The following MEI4 variants were observed in gnomAD, a reference collection of about 807,000 sequenced individuals.
The protein encoded by MEI4 is meiotic double-stranded break formation protein 4, also known as meiosis-specific protein MEI4.
MEI4 carries 27 observed loss-of-function variants against 31.4 expected under a neutral mutation model. The observed-to-expected ratio is 0.86, with a 90% CI of 0.63 to 1.19. The LOEUF (loss-of-function observed/expected upper bound fraction) is 1.19. MEI4 is among the 50% of genes most tolerant of loss of function. The pLI is 0.00. For synonymous variants in MEI4, 122 were observed against 145.4 expected (o/e 0.84, Z 1.16); for missense variants, 329 against 398.9 (o/e 0.82, Z 1.49).
chr6:77,920,172 C>T (rs1327929011), intron 4 of MEI4, among the ~76,000 whole-genome samples: 1 of 151,266 alleles, frequency 6.6e-6, no homozygotes, highest in East Asian at 2.0e-4. Context: ...ATTCTGATAC[C>T]AAAGCCTGGC....
At chr6:77,884,724 T>C (rs1771579471) in intron 4 of MEI4, among the ~76,000 whole-genome samples, 1 of 152,202 alleles carries the variant, frequency 6.6e-6, no homozygotes, top group South Asian at 2.1e-4. Context: ...GGCCCGTTTT[T>C]ATACCAATAC....
intron 4 of MEI4, among the ~76,000 whole-genome samples, chr6:77,917,275 G>T (rs1766582396): frequency 6.6e-6 from 1 of 150,408 alleles, no homozygotes; most frequent in South Asian, 2.1e-4. Context: ...TAGTCCTTTG[G>T]GTATATACCC....
At chr6:77,709,950 C>T (rs1766420813) in intron 2 of MEI4, among the ~76,000 whole-genome samples, 2 of 152,140 alleles carry the variant, frequency 1.3e-5, no homozygotes, top group African/African-American at 4.8e-5. Context: ...CCAAAGCAGG[C>T]CAAGTCCATG....
At chr6:77,806,738 C>A (rs147172071) in intron 3 of MEI4, among the ~76,000 whole-genome samples, 4 of 152,108 alleles carry the variant, frequency 2.6e-5, no homozygotes, top group African/African-American at 9.7e-5. Flanking sequence ...TTGGTTGTTA[C>A]AGAGCTTCAA....
chr6:77,748,846 G>A (rs193048438), intron 2 of MEI4, among the ~76,000 whole-genome samples: 1 of 152,230 alleles, frequency 6.6e-6, no homozygotes, highest in South Asian at 2.1e-4. Context: ...CCCAGTAGGG[G>A]CCGACAGACA....
At chr6:77,779,683 C>T (rs998171374) in intron 3 of MEI4, among the ~76,000 whole-genome samples, 11 of 151,958 alleles carry the variant, frequency 7.2e-5, no homozygotes, top group African/African-American at 2.7e-4. Flanking sequence ...ATAATTTGCC[C>T]CTTTCCCTGG....
At chr6:77,765,720 A>C (rs1278838879) in intron 3 of MEI4, among the ~76,000 whole-genome samples, 3 of 151,880 alleles carry the variant, frequency 2.0e-5, no homozygotes, top group Non-Finnish European at 4.4e-5. Context: ...TCATGCTGCT[A>C]TAAAGACACA....
intron 4 of MEI4, among the ~76,000 whole-genome samples, chr6:77,905,801 T>G (rs186585110): frequency 3.6e-4 from 54 of 150,948 alleles, no homozygotes; most frequent in Non-Finnish European, 2.5e-4. Flanking sequence ...GGGCCAGCTT[T>G]TTTTTTTTTT....
intron 4 of MEI4, among the ~76,000 whole-genome samples, chr6:77,846,423 C>T (rs1191580827): frequency 1.3e-5 from 2 of 151,968 alleles, no homozygotes; most frequent in East Asian, 1.9e-4. Context: ...AAATTATCTC[C>T]TCTGGTTATT....
At chr6:77,656,243 A>C (rs1768392597) in intron 1 of MEI4, among the ~76,000 whole-genome samples, 1 of 152,152 alleles carries the variant, frequency 6.6e-6, no homozygotes, top group African/African-American at 2.4e-5. Flanking sequence ...TTAATCTTTA[A>C]GATAATTGTT....
intron 3 of MEI4, among the ~76,000 whole-genome samples, chr6:77,775,925 C>T (rs996453435): frequency 5.9e-5 from 9 of 152,110 alleles, no homozygotes; most frequent in African/African-American, 1.7e-4. Flanking sequence ...TTTTGATTTG[C>T]GCTTCCCTGA....
intron 3 of MEI4, among the ~76,000 whole-genome samples, chr6:77,772,601 C>T (rs1248162581): frequency 2.0e-5 from 3 of 151,924 alleles, no homozygotes; most frequent in African/African-American, 7.2e-5. Flanking sequence ...TTTGACAGAG[C>T]CACAGCCAGT....
At chr6:77,675,824 A>G (rs1305398295) in intron 1 of MEI4, among the ~76,000 whole-genome samples, 1 of 152,186 alleles carries the variant, frequency 6.6e-6, no homozygotes, top group Non-Finnish European at 1.5e-5. Flanking sequence ...ATGGGCCACT[A>G]CTAACTATAA....
At position 77,823,722 on chromosome 6, in the gene MEI4, T is replaced by A. The variant is rs375750300; in HGVS notation, c.769-5209T>A. ...TTATTTCTTGGTTTAGACAATACATTTTTATTATAGAATAATAGGAAAATA... is the reference window on the plus strand; with the variant it reads ...TTATTTCTTGGTTTAGACAATACATATTTATTATAGAATAATAGGAAAATA... On this transcript the variant is annotated intron_variant, in intron 3 of 4. Transcript: ENST00000684080. Among the ~76,000 whole-genome samples the A allele has an allele frequency of 1.4e-3, 213 of 152,306 alleles. 1 individual carries two copies. Among genetic ancestry groups the A allele is most frequent in the African/African-American group, 4.5e-3 (187 of 41,570 alleles).
chr6:77,734,396 C>T (rs1328064558), intron 2 of MEI4, among the ~76,000 whole-genome samples: 2 of 151,928 alleles, frequency 1.3e-5, no homozygotes, highest in Non-Finnish European at 2.9e-5. Flanking sequence ...ATGTAATGGC[C>T]TTCTTTGTGT....
rs71539610 is a variant in MEI4, at chr6:77,719,271, C to T, written c.232+28368C>T. Among the ~76,000 whole-genome samples, 9 of 136,702 alleles carry T rather than the reference C, an allele frequency of 6.6e-5. 1 individual carries two copies. Among genetic ancestry groups the T allele is most frequent in the African/African-American group, 2.5e-4 (9 of 35,532 alleles). 89.7% of individuals were successfully genotyped at this position (136,702 alleles called of 152,430 possible). A position where few individuals can be genotyped will look rare whatever the true frequency, so the allele number is the denominator to read the frequency against. On this transcript the variant is annotated intron_variant, in intron 2 of 4. Coordinates refer to ENST00000684080, the MANE Select transcript of MEI4 (RefSeq NM_001322247.2). The stretch of plus-strand genomic sequence containing the variant: ...GTATTTTTTGATTCTTTGGGAATTT[C>T]CTTGGGGCAAGGTTTCCCTTTAGGT...
rs991425506 is a variant in MEI4 at position 77,924,897 on chromosome 6, T to A, written c.*1551T>A. 14 of 151,886 alleles carry A rather than the reference T, an allele frequency of 9.2e-5. No individual in the cohort carries two copies. The Admixed American group carries it at 9.2e-4, about 10-fold the overall frequency. 9.4% of individuals were successfully genotyped at this position (151,886 alleles called of 1,614,324 possible). A position where few individuals can be genotyped will look rare whatever the true frequency, so the allele number is the denominator to read the frequency against. ...GAGCATGGATGTAGGTAGGTAATTA[T>A]TAGGGCCAATAATTTACTTCACAAC... is the stretch of plus-strand genomic sequence containing the variant. On this transcript the variant is annotated 3_prime_UTR_variant, in exon 5 of 5. Transcript: ENST00000684080.
intron 3 of MEI4, among the ~76,000 whole-genome samples, chr6:77,776,034 A>AT (rs986663972): frequency 1.2e-4 from 18 of 148,688 alleles, no homozygotes; most frequent in South Asian, 1.1e-3. Flanking sequence ...TTTTGATGGG[A>AT]TTTTTTTTTC....
At chr6:77,751,740 C>T (rs1247722072) in intron 2 of MEI4, among the ~76,000 whole-genome samples, 6 of 152,028 alleles carry the variant, frequency 3.9e-5, no homozygotes, top group Admixed American at 3.9e-4. Flanking sequence ...AATAGAAAAA[C>T]AGGGAATCCT....
Sources: gnomAD v4.1 joint callset for allele counts (sites outside exome capture counted in the v4.1 genomes callset) on GRCh38, gnomAD v4.1.1 for gene constraint, MANE v1.5 for transcripts, NCBI Gene and HGNC (gene_info 2026-07-23, HGNC 2026-07-21) for gene names.